MED27: variants seen among roughly 807,000 people sequenced by gnomAD.
MED27 encodes the protein mediator of RNA polymerase II transcription subunit 27.
In MED27, 30 loss-of-function variants were observed where a neutral mutation model predicts 38.2. The observed-to-expected ratio is 0.79, with a 90% confidence interval of 0.59 to 1.07. The LOEUF (loss-of-function observed/expected upper bound fraction) is 1.07, where lower values mean the gene tolerates loss of function less well. Ranked by LOEUF, MED27 falls within the 50% of genes least tolerant of loss-of-function variation. The probability of loss-of-function intolerance (pLI) is 0.00; values close to 1 mark genes in which losing one functional copy is unlikely to be tolerated. For synonymous variants in MED27, 122 were observed against 153.5 expected (o/e 0.79, Z 1.52); for missense variants, 289 against 397.5 (o/e 0.73, Z 2.32).
chr9:131,928,342 C>A (rs1339771439), intron 4 of MED27, among the ~76,000 whole-genome samples: 1 of 152,102 alleles, frequency 6.6e-6, no homozygotes, highest in Non-Finnish European at 1.5e-5. Context: ...CCCGACCATC[C>A]CCCCTGCAGG....
Position 131,863,107 on chromosome 9 carries a change from A to G in MED27, c.757T>C (p.Tyr253His). Residue 253 changes from tyrosine (Y) to histidine (H), a missense_variant, in exon 7 of 8, where the codon TAT becomes CAT. Physicochemically the swap from Tyr to His is moderately conservative, Grantham distance 83 (BLOSUM62 2). Transcript: ENST00000292035. ...ACATCCGGCATCTGGGGCAGCTGATAGTGGAGCAGGGCAGTGGTGGCATGG... is the reference window on the plus strand; with the variant it reads ...ACATCCGGCATCTGGGGCAGCTGATGGTGGAGCAGGGCAGTGGTGGCATGG... The part of the protein sequence containing the change: ...TDHATTALLH[Y>H]QLPQMPDVVV... The G allele has an allele frequency of 6.2e-7, 1 of 1,614,188 alleles. No individual in the cohort carries two copies. Among genetic ancestry groups the G allele is most frequent in the East Asian group, 2.2e-5 (1 of 44,874 alleles).
chr9:132,022,321 T>A (rs1422254629), intron 2 of MED27, among the ~76,000 whole-genome samples: 1 of 152,230 alleles, frequency 6.6e-6, no homozygotes, highest in Non-Finnish European at 1.5e-5. Flanking sequence ...AGATTGTGCA[T>A]CTGATCTTTC....
At chr9:132,035,923 C>A (rs1275366106) in intron 2 of MED27, among the ~76,000 whole-genome samples, 1 of 151,992 alleles carries the variant, frequency 6.6e-6, no homozygotes, top group Non-Finnish European at 1.5e-5. Flanking sequence ...TCTGATCACA[C>A]CACTGCACCC....
chr9:132,060,238 G>T (rs1166331507), intron 2 of MED27, among the ~76,000 whole-genome samples: 1 of 152,136 alleles, frequency 6.6e-6, no homozygotes, highest in Non-Finnish European at 1.5e-5. Flanking sequence ...CCTGTTTTGG[G>T]GGAGGCAGTG....
chr9:131,989,088 G>A (rs190672910), intron 3 of MED27, among the ~76,000 whole-genome samples: 1 of 152,198 alleles, frequency 6.6e-6, no homozygotes, highest in Admixed American at 6.5e-5. Flanking sequence ...AGTGTGGAGA[G>A]AGAAATGGTG....
At chr9:131,878,713 G>C (rs987267865) in intron 6 of MED27, among the ~76,000 whole-genome samples, 1 of 152,156 alleles carries the variant, frequency 6.6e-6, no homozygotes. Context: ...AAATGAGGGG[G>C]TTAAAGAACA....
chr9:131,923,925 A>G (rs974708223), intron 4 of MED27, among the ~76,000 whole-genome samples: 2 of 152,200 alleles, frequency 1.3e-5, no homozygotes, highest in South Asian at 4.1e-4. Context: ...CAATCACTGC[A>G]TGTGAGTCAT....
At chr9:132,056,068 C>T (rs1047467503) in intron 2 of MED27, among the ~76,000 whole-genome samples, 10 of 152,218 alleles carry the variant, frequency 6.6e-5, no homozygotes, top group African/African-American at 1.9e-4. Flanking sequence ...TCATGTCATA[C>T]TGCTGTACAC....
intron 3 of MED27, among the ~76,000 whole-genome samples, chr9:131,989,312 G>C (rs1321650616): frequency 6.6e-6 from 1 of 152,136 alleles, no homozygotes; most frequent in Non-Finnish European, 1.5e-5. Flanking sequence ...AACAGGTCTG[G>C]TTCTAATATT....
At chr9:131,968,833 C>A (rs1004248806) in intron 3 of MED27, among the ~76,000 whole-genome samples, 1 of 152,160 alleles carries the variant, frequency 6.6e-6, no homozygotes, top group Non-Finnish European at 1.5e-5. Context: ...TATTTACAGT[C>A]GCTCCTTATT....
chr9:132,033,749 C>G (rs78561857), intron 2 of MED27, among the ~76,000 whole-genome samples: 4,542 of 152,290 alleles, frequency 0.03, 242 homozygotes, highest in African/African-American at 0.1. Context: ...CTTTGGTGTT[C>G]TGTGTGTCTC....
intron 3 of MED27, among the ~76,000 whole-genome samples, chr9:132,001,034 C>A (rs372928535): frequency 8.6e-5 from 13 of 152,002 alleles, no homozygotes; most frequent in African/African-American, 2.9e-4. Context: ...CAGGAATTTG[C>A]AGCTGCGGTG....
At chr9:132,046,105 T>C (rs1833332036) in intron 2 of MED27, among the ~76,000 whole-genome samples, 3 of 152,170 alleles carry the variant, frequency 2.0e-5, no homozygotes, top group Admixed American at 6.5e-5. Flanking sequence ...CGTATAAATA[T>C]GAACACTAAA....
Position 131,940,440 on chromosome 9 carries a change from G to A in MED27, c.480-966C>T, listed in dbSNP as rs560798168. 5.9e-4 allele frequency among the ~76,000 whole-genome samples: 90 copies of A among 151,510 alleles called. No homozygotes were observed. The South Asian group carries it at 0.018, about 30-fold the overall frequency. On this transcript the variant is annotated intron_variant, in intron 3 of 7. Coordinates refer to ENST00000292035, the MANE Select transcript of MED27 (RefSeq NM_004269.4). ...TCTCTTTTTTTCTTTTTTTGAGACT[G>A]AGTCTTGCTCTATTGCCCAGGCTGG...
chr9:131,947,400 A>G (rs1331522068), intron 3 of MED27, among the ~76,000 whole-genome samples: 1 of 152,232 alleles, frequency 6.6e-6, no homozygotes, highest in African/African-American at 2.4e-5. Flanking sequence ...CTAAAGAAAC[A>G]CACTGTTATT....
At chr9:131,951,126 G>C (rs1290646960) in intron 3 of MED27, among the ~76,000 whole-genome samples, 1 of 152,198 alleles carries the variant, frequency 6.6e-6, no homozygotes, top group African/African-American at 2.4e-5. Flanking sequence ...TGGAGCTCCA[G>C]ATTTTCCCAC....
At chr9:131,885,430 G>C (rs981075531) in intron 5 of MED27, among the ~76,000 whole-genome samples, 2 of 152,146 alleles carry the variant, frequency 1.3e-5, no homozygotes, top group African/African-American at 4.8e-5. Context: ...TCAATGGCTG[G>C]AGCGGGCCCA....
intron 4 of MED27, among the ~76,000 whole-genome samples, chr9:131,898,495 C>A (rs576521211): frequency 3.3e-5 from 5 of 152,100 alleles, no homozygotes; most frequent in Non-Finnish European, 7.4e-5. Context: ...GGATTACAGG[C>A]GTGAGCCACC....
chr9:131,998,442 T>C (rs1406215165), intron 3 of MED27, among the ~76,000 whole-genome samples: 1 of 152,132 alleles, frequency 6.6e-6, no homozygotes, highest in Non-Finnish European at 1.5e-5. Flanking sequence ...AGAAAAATGC[T>C]TCACTTATCT....
Sources: allele counts gnomAD v4.1 joint callset (sites outside exome capture counted in the v4.1 genomes callset), GRCh38; gene constraint gnomAD v4.1.1; transcripts MANE v1.5; gene names NCBI Gene and HGNC (gene_info 2026-07-23, HGNC 2026-07-21).